Variants in PEX14 observed in about 807,000 individuals in gnomAD.
PEX14 encodes the protein peroxisomal membrane protein PEX14.
PEX14 carries 15 observed loss-of-function variants against 49.5 expected under a neutral mutation model. That is an observed-to-expected ratio of 0.30 (90% CI 0.20 to 0.47). PEX14 has a LOEUF of 0.47. Ranked by LOEUF, PEX14 falls within the 20% of genes least tolerant of loss-of-function variation. The pLI, the probability that PEX14 is intolerant of heterozygous loss-of-function variation, is 1.00. For missense variants in PEX14, 398 were observed against 494.8 expected (o/e 0.80, Z 1.86); for synonymous variants, 210 against 212.7 (o/e 0.99, Z 0.11).
intron 6 of PEX14, 61 bp from the exon 7 acceptor site, chr1:10,624,279 G>A (rs1641680713): frequency 7.4e-6 from 8 of 1,074,674 alleles, no homozygotes; most frequent in Admixed American, 1.7e-5. Context: ...TGTGCGGACC[G>A]AGCGAGGGGA....
rs1453146872 is a variant in PEX14 at position 10,587,920 on chromosome 1, T to TTTA, written c.170-11318_170-11317insTTA. Among the ~76,000 whole-genome samples, 313 of 64,068 alleles carry TTTA rather than the reference T, an allele frequency of 4.9e-3. 8 individuals carry two copies. Among genetic ancestry groups the TTTA allele is most frequent in the African/African-American group, 0.02 (299 of 14,966 alleles). 42.0% of individuals were successfully genotyped at this position (64,068 alleles called of 152,430 possible). On this transcript the variant is annotated intron_variant, in intron 3 of 8. Coordinates refer to ENST00000356607, the MANE Select transcript of PEX14 (RefSeq NM_004565.3). ...CTTTTTTTTTTTTTTTTTTTTTTTT[T>TTTA]AAAAAAAAAAGAGATGGAGTCTTGG...
intron 7 of PEX14, among the ~76,000 whole-genome samples, chr1:10,625,778 T>TA (rs1641727642): frequency 6.6e-6 from 1 of 152,352 alleles, no homozygotes; most frequent in South Asian, 2.1e-4. Context: ...TTTCAGGCCT[T>TA]ACGCCTGAGA....
At chr1:10,592,608 G>GGAA (rs1640702383) in intron 3 of PEX14, among the ~76,000 whole-genome samples, 3 of 152,152 alleles carry the variant, frequency 2.0e-5, no homozygotes, top group Non-Finnish European at 2.9e-5. Context: ...TCCTCCTTAT[G>GGAA]TGGAAGGAGC....
At chr1:10,618,124 C>A (rs1018771384) in intron 4 of PEX14, among the ~76,000 whole-genome samples, 9 of 152,228 alleles carry the variant, frequency 5.9e-5, no homozygotes, top group Non-Finnish European at 4.4e-5. Flanking sequence ...TGACTGGCAT[C>A]CCTTGTGTCC....
At chr1:10,559,601 C>T (rs1639590131) in intron 3 of PEX14, among the ~76,000 whole-genome samples, 1 of 152,164 alleles carries the variant, frequency 6.6e-6, no homozygotes, top group African/African-American at 2.4e-5. Context: ...CAGCTCTCAA[C>T]ACCACGGCAG....
chr1:10,614,328 G>T (rs910985402), intron 4 of PEX14, among the ~76,000 whole-genome samples: 2 of 152,170 alleles, frequency 1.3e-5, no homozygotes, highest in East Asian at 3.9e-4. Context: ...GATCATTCTG[G>T]TCCCTTTTCA....
chr1:10,478,907 G>A (rs987114872), intron 1 of PEX14, among the ~76,000 whole-genome samples: 7 of 151,752 alleles, frequency 4.6e-5, no homozygotes, highest in Admixed American at 1.3e-4. Context: ...CACCACGCCC[G>A]GCTATTTTTT....
In PEX14 at chr1:10,628,158, A is replaced by G. The variant is rs1276031412; in HGVS notation, c.677+795A>G. ...GCTATGTTGGCCAGGCTGGTCTTGA[A>G]TTCCCGACCTCAGGTCATCTGCCCA... On this transcript the variant is annotated intron_variant, in intron 8 of 8. Transcript: ENST00000356607. The surrounding 1 kb of genome is among the most constrained non-coding windows in gnomAD (Gnocchi z 4.5). Among the ~76,000 whole-genome samples the G allele has an allele frequency of 3.3e-5, 5 of 152,322 alleles. No homozygotes were observed. In the East Asian group the frequency reaches 7.7e-4, roughly 24 times the overall value.
At chr1:10,577,549 TATATATATATA>T (rs1557854757) in intron 3 of PEX14, among the ~76,000 whole-genome samples, 2 of 8,420 alleles carry the variant, frequency 2.4e-4, no homozygotes, top group Admixed American at 2.0e-3. Context: ...TATATATATA[TATATATATATA>T]TATTTTTTTT....
rs113989941 is a variant in PEX14, at chr1:10,546,419, G to A, written c.169+10122G>A. Among the ~76,000 whole-genome samples, 143 of 152,024 alleles carry A rather than the reference G, an allele frequency of 9.4e-4. 2 individuals carry two copies. The highest frequency in any genetic ancestry group is 3.0e-3 in the African/African-American group (124 of 41,456). On this transcript the variant is annotated intron_variant, in intron 3 of 8. Transcript: ENST00000356607. The stretch of plus-strand genomic sequence containing the variant: ...TGTCTCTACTAAAAATACAAAATTA[G>A]CCGGGTGTGGTGACGCTTACCTGTA...
chr1:10,528,209 A>G, intron 2 of PEX14: 1 of 455,646 alleles, frequency 2.2e-6, no homozygotes, highest in Non-Finnish European at 2.9e-6. Flanking sequence ...GCCATTATCC[A>G]TGACACAACC....
intron 2 of PEX14, among the ~76,000 whole-genome samples, chr1:10,516,575 G>A (rs1641974201): frequency 6.6e-6 from 1 of 152,172 alleles, no homozygotes; most frequent in Admixed American, 6.5e-5. Flanking sequence ...CGTCTGTGCT[G>A]GCATCTGTGA....
At chr1:10,561,424 A>G (rs554411084) in intron 3 of PEX14, among the ~76,000 whole-genome samples, 3 of 152,334 alleles carry the variant, frequency 2.0e-5, no homozygotes, top group African/African-American at 7.2e-5. Context: ...GTTTTATATA[A>G]TATCACACAT....
chr1:10,513,370 G>A (rs542512889), intron 2 of PEX14, among the ~76,000 whole-genome samples: 2 of 152,284 alleles, frequency 1.3e-5, no homozygotes, highest in South Asian at 2.1e-4. Flanking sequence ...GGATGGTGGC[G>A]GGGTTTGAGT....
intron 2 of PEX14, among the ~76,000 whole-genome samples, chr1:10,531,977 G>A (rs1484173851): frequency 1.3e-5 from 2 of 152,172 alleles, no homozygotes; most frequent in African/African-American, 2.4e-5. Flanking sequence ...GGACTGTCAG[G>A]AACCTCAGTT....
chr1:10,544,424 A>G (rs1639108427), intron 3 of PEX14, among the ~76,000 whole-genome samples: 1 of 152,224 alleles, frequency 6.6e-6, no homozygotes, highest in South Asian at 2.1e-4. Flanking sequence ...AACCACAGAC[A>G]TGGCAGAAGA....
rs1034966753 is a variant in PEX14 at position 10,629,000 on chromosome 1, A to G, written c.678-531A>G. On this transcript the variant is annotated intron_variant, in intron 8 of 8. Coordinates refer to ENST00000356607, the MANE Select transcript of PEX14 (RefSeq NM_004565.3). The surrounding 1 kb of genome is among the most constrained non-coding windows in gnomAD (Gnocchi z 4.5). ...GTTGAGCTCAGAAGTTTTCTAGCAAAGGGCATAACCACCGCCCTTTTGGTT... is the reference window on the plus strand; with the variant it reads ...GTTGAGCTCAGAAGTTTTCTAGCAAGGGGCATAACCACCGCCCTTTTGGTT... 6.6e-6 allele frequency among the ~76,000 whole-genome samples: 1 copy of G among 152,212 alleles called. No individual in the cohort carries two copies. The highest frequency in any genetic ancestry group is 1.5e-5 in the Non-Finnish European group (1 of 68,036).
chr1:10,559,634 G>C (rs1557844490), intron 3 of PEX14, among the ~76,000 whole-genome samples: 1 of 152,136 alleles, frequency 6.6e-6, no homozygotes, highest in African/African-American at 2.4e-5. Context: ...ACCACCCAAC[G>C]GTGTACAGCC....
intron 2 of PEX14, chr1:10,535,993 A>G (rs1638791666): frequency 1.9e-6 from 1 of 538,652 alleles, no homozygotes; most frequent in Non-Finnish European, 3.4e-6. Flanking sequence ...CGGCAGAGGG[A>G]TTAGATTTGA....
Sources: gnomAD v4.1 joint callset for allele counts (sites outside exome capture counted in the v4.1 genomes callset) on GRCh38, gnomAD v4.1.1 for gene constraint, Gnocchi (gnomAD v3.1) non-coding constraint, MANE v1.5 for transcripts, NCBI Gene and HGNC (gene_info 2026-07-23, HGNC 2026-07-21) for gene names.